Variants in PLA2G4F observed in about 807,000 individuals in gnomAD.
PLA2G4F encodes cytosolic phospholipase A2 zeta.
Under a neutral mutation model 103.1 loss-of-function variants are expected in PLA2G4F, and 105 were observed. That is an observed-to-expected ratio of 1.02 (90% confidence interval 0.87 to 1.20). The LOEUF is 1.20. Ranked by LOEUF, PLA2G4F falls within the 50% of genes most tolerant of loss-of-function variation. PLA2G4F has a pLI of 0.00. For missense variants in PLA2G4F, 1,155 were observed against 1,075.9 expected, an observed-to-expected ratio of 1.07 and a Z score of -1.03; for synonymous variants, 468 against 441.1, an observed-to-expected ratio of 1.06 and a Z score of -0.76.
Position 42,145,888 on chromosome 15 carries a change from G to C in PLA2G4F, c.1550C>G (p.Thr517Arg). Residue 517 changes from threonine (T) to arginine (R), a missense_variant, in exon 15 of 20, where the codon ACG becomes AGG. By Grantham distance (71) the Thr-to-Arg change is moderately conservative. Transcript: ENST00000397272. ...GEDFAEWCEF[T>R]PYEVGFPKYG... is the part of the protein sequence containing the mutation. ...CTTGGGGAAGCCAACCTCATAGGGC[G>C]TGAACTCGCACCACTCTAGGGGCCC... 3 of 1,614,002 alleles carry C rather than the reference G, an allele frequency of 1.9e-6. No homozygotes were observed. The highest frequency in any genetic ancestry group is 2.5e-6 in the Non-Finnish European group (3 of 1,180,020).
chr15:42,140,137 T>A lies in PLA2G4F; in HGVS notation c.*1847A>T, dbSNP rs1194114133. ...CATGAAAGCATTGCATGCTTTTTTG[T>A]GGTTGGTGGGTGACGATCCATTTCT... On this transcript the variant is annotated 3_prime_UTR_variant, in exon 20 of 20. Coordinates refer to ENST00000397272, the MANE Select transcript of PLA2G4F (RefSeq NM_213600.4). 6.6e-6 allele frequency: 1 copy of A among 152,190 alleles called. No individual in the cohort carries two copies. Among genetic ancestry groups the A allele is most frequent in the Non-Finnish European group, 1.5e-5 (1 of 68,042 alleles). 9.4% of individuals were successfully genotyped at this position (152,190 alleles called of 1,614,324 possible).
intron 4 of PLA2G4F, 35 bp downstream of exon 4, chr15:42,154,057 C>T: frequency 6.2e-7 from 1 of 1,613,324 alleles, no homozygotes; most frequent in Non-Finnish European, 8.5e-7. Flanking sequence ...CTCCCCTCCT[C>T]CAGCTGGGCT....
rs1261870228 is a variant in PLA2G4F, at chr15:42,139,275, C to A, written c.*2709G>T. The A allele has an allele frequency of 6.5e-6, 1 of 154,168 alleles. No homozygotes were observed. Among genetic ancestry groups the A allele is most frequent in the African/African-American group, 2.4e-5 (1 of 41,514 alleles). 9.6% of individuals were successfully genotyped at this position (154,168 alleles called of 1,614,324 possible). The stretch of plus-strand genomic sequence containing the variant: ...TTTAAGATAAATTCCCCCACACTCC[C>A]TCGTACCTACTCCTTGCCCTCTGCC... On this transcript the variant is annotated 3_prime_UTR_variant, in exon 20 of 20. Transcript: ENST00000397272.
rs200366535 is a variant in PLA2G4F, at chr15:42,141,519, G to A, written c.*465C>T. The A allele has an allele frequency of 1.3e-5, 6 of 447,844 alleles. No homozygotes were observed. In the East Asian group the frequency reaches 3.5e-4, roughly 26 times the overall value. 27.7% of individuals were successfully genotyped at this position (447,844 alleles called of 1,614,324 possible). ...AGTGCATCCAGGAGCTCGAGGTGGG[G>A]TTGGGGCTTGGGCCGCTCTGCAGGA... On this transcript the variant is annotated 3_prime_UTR_variant, in exon 20 of 20. Coordinates refer to ENST00000397272, the MANE Select transcript of PLA2G4F (RefSeq NM_213600.4).
rs778287986 is a variant in PLA2G4F, at chr15:42,141,233, G to A, written c.*751C>T. 4.4e-6 allele frequency: 2 copies of A among 456,598 alleles called. No homozygotes were observed. Among genetic ancestry groups the A allele is most frequent in the African/African-American group, 2.0e-5 (1 of 50,054 alleles). 28.3% of individuals were successfully genotyped at this position (456,598 alleles called of 1,614,324 possible). A position where few individuals can be genotyped will look rare whatever the true frequency, so the allele number is the denominator to read the frequency against. The stretch of plus-strand genomic sequence containing the variant: ...AGGAATGGTGAGACTATATTTGCAT[G>A]ATGTGGCCACTACACACATCACCAG... On this transcript the variant is annotated 3_prime_UTR_variant, in exon 20 of 20. Coordinates refer to ENST00000397272, the MANE Select transcript of PLA2G4F (RefSeq NM_213600.4).
intron 6 of PLA2G4F, 73 bp downstream of exon 6, chr15:42,153,227 C>T: frequency 3.3e-6 from 5 of 1,504,530 alleles, no homozygotes; most frequent in Non-Finnish European, 3.6e-6. Context: ...GCAACTGGGC[C>T]TGATGGGCCC....
Position 42,149,582 on chromosome 15 carries a change from C to T in PLA2G4F, c.1059+131G>A, listed in dbSNP as rs1041704187. ...GTCCCATATGGGGTCCTAGCTCTGC[C>T]GATGGTGCCCACAGCTCAGGTGAAC... On this transcript the variant is annotated intron_variant, in intron 11 of 19. Coordinates refer to ENST00000397272, the MANE Select transcript of PLA2G4F (RefSeq NM_213600.4). 7.5e-6 allele frequency: 11 copies of T among 1,457,928 alleles called. No individual in the cohort carries two copies. In the Admixed American group the frequency reaches 1.0e-4, roughly 14 times the overall value. The allele number at this position is 1,457,928 out of a possible 1,614,324, so 90.3% of individuals were successfully genotyped here.
chr15:42,151,105 A>G, intron 7 of PLA2G4F: 4 of 985,176 alleles, frequency 4.1e-6, no homozygotes, highest in Non-Finnish European at 4.8e-6. Context: ...TATGTTTATC[A>G]TAAGAATGAG....
Position 42,140,183 on chromosome 15 carries a change from A to G in PLA2G4F, c.*1801T>C, listed in dbSNP as rs2048816333. 1 of 152,196 alleles carries G rather than the reference A, an allele frequency of 6.6e-6. No individual in the cohort carries two copies. Among genetic ancestry groups the G allele is most frequent in the Admixed American group, 6.5e-5 (1 of 15,280 alleles). The allele number at this position is 152,196 out of a possible 1,614,324, so 9.4% of individuals were successfully genotyped here. A position where few individuals can be genotyped will look rare whatever the true frequency, so the allele number is the denominator to read the frequency against. ...TTTCTTAGAATGTAGGTTCCCATTC[A>G]TTTATCAAATATTTACTGAGCACCT... On this transcript the variant is annotated 3_prime_UTR_variant, in exon 20 of 20. Transcript: ENST00000397272.
intron 6 of PLA2G4F, 34 bp downstream of exon 6, chr15:42,153,266 C>T: frequency 1.2e-6 from 2 of 1,609,366 alleles, no homozygotes; most frequent in Non-Finnish European, 1.7e-6. Flanking sequence ...GCCCCCCAGC[C>T]CAGAACAGCG....
intron 5 of PLA2G4F, 73 bp downstream of exon 5, chr15:42,153,547 G>A: frequency 6.3e-7 from 1 of 1,580,700 alleles, no homozygotes; most frequent in Admixed American, 1.7e-5. Context: ...GCAGGACATG[G>A]TGACTGGCAC....
rs896723364 is a variant in PLA2G4F at position 42,141,764 on chromosome 15, G to A, written c.*220C>T. 2.6e-5 allele frequency: 16 copies of A among 621,268 alleles called. No individual in the cohort carries two copies. Among genetic ancestry groups the A allele is most frequent in the African/African-American group, 3.7e-5 (2 of 54,534 alleles). The allele number at this position is 621,268 out of a possible 1,614,324, so 38.5% of individuals were successfully genotyped here. A position where few individuals can be genotyped will look rare whatever the true frequency, so the allele number is the denominator to read the frequency against. Reference sequence around the variant, plus strand: ...CTACATCCCCAAGAGTCCCTGGAGCGATCTACTGCCCATCTTCTCCAAAAA... The same window carrying A: ...CTACATCCCCAAGAGTCCCTGGAGCAATCTACTGCCCATCTTCTCCAAAAA... On this transcript the variant is annotated 3_prime_UTR_variant, in exon 20 of 20. Transcript: ENST00000397272.
Position 42,140,901 on chromosome 15 carries a change from C to G in PLA2G4F, c.*1083G>C, listed in dbSNP as rs1307471299. 1 of 256,650 alleles carries G rather than the reference C, an allele frequency of 3.9e-6. No individual in the cohort carries two copies. Among genetic ancestry groups the G allele is most frequent in the Non-Finnish European group, 7.8e-6 (1 of 127,708 alleles). The allele number at this position is 256,650 out of a possible 1,614,324, so 15.9% of individuals were successfully genotyped here. A position where few individuals can be genotyped will look rare whatever the true frequency, so the allele number is the denominator to read the frequency against. On this transcript the variant is annotated 3_prime_UTR_variant, in exon 20 of 20. Transcript: ENST00000397272. ...GAGGCCGTGGCCAGATGGAGAGGGCCTGGCCAGAACGGGATCTCCTCTTCA... is the reference window on the plus strand; with the variant it reads ...GAGGCCGTGGCCAGATGGAGAGGGCGTGGCCAGAACGGGATCTCCTCTTCA...
rs139722627 is a variant in PLA2G4F, at chr15:42,150,641, G to A, written c.738C>T (p.His246=). Residue 246 remains histidine (H), a synonymous_variant, in exon 8 of 20, where the codon CAC becomes CAT. Coordinates refer to ENST00000397272, the MANE Select transcript of PLA2G4F (RefSeq NM_213600.4). The part of the protein sequence containing the change: ...HVNPVLSSRL[H]VELMELLAAV... ...CTGCCAGCAGCTCCATCAGCTCCAC[G>A]TGTAGCCTGGAGCTCAGCACTGGGT... 6.3e-5 allele frequency: 101 copies of A among 1,613,256 alleles called. No homozygotes were observed. In the Admixed American group the frequency reaches 6.8e-4, roughly 11 times the overall value.
chr15:42,150,257 TAACTGACCTCTG>T (rs2048942006), intron 9 of PLA2G4F, 104 bp downstream of exon 9: 1 of 1,549,108 alleles, frequency 6.5e-7, no homozygotes, highest in African/African-American at 1.4e-5. Flanking sequence ...GTGGACATCA[TAACTGACCTCTG>T]GACTGACCTG....
rs1425036198 is a variant in PLA2G4F at position 42,149,797 on chromosome 15, C to A, written c.975G>T (p.Gln325His). 1 of 1,614,114 alleles carries A rather than the reference C, an allele frequency of 6.2e-7. No homozygotes were observed. Among genetic ancestry groups the A allele is most frequent in the East Asian group, 2.2e-5 (1 of 44,886 alleles). ...RLGFDLSDGE[Q>H]EFLDRRKQVV... ...CCTGCTTCCTCCTGTCCAGAAACTC[C>A]TGCTCCCCGTCAGAGAGGTCAAAGC... Residue 325 changes from glutamine (Q) to histidine (H), a missense_variant, in exon 11 of 20, where the codon CAG becomes CAT. Physicochemically the swap from Gln to His is conservative, Grantham distance 24 (BLOSUM62 0). Around this residue, in one of 3 missense-constraint regions of PLA2G4F, gnomAD observed 782 missense variants for 692.9 expected, o/e 1.13. Transcript: ENST00000397272.
In PLA2G4F at chr15:42,145,763, C is replaced by A. The variant is rs771371999; in HGVS notation, c.1672+3G>T. The A allele has an allele frequency of 6.2e-7, 1 of 1,614,102 alleles. No homozygotes were observed. Among genetic ancestry groups the A allele is most frequent in the Admixed American group, 1.7e-5 (1 of 60,032 alleles). ...TGTCCCCAGCCCTCCAGCCTCGACT[C>A]ACCTTGCAGGTAACAGATCCGGGGT... On this transcript the variant is annotated splice_donor_region_variant and intron_variant, in intron 15 of 19. Coordinates refer to ENST00000397272, the MANE Select transcript of PLA2G4F (RefSeq NM_213600.4).
chr15:42,142,103 C>T lies in PLA2G4F; in HGVS notation c.2431G>A (p.Asp811Asn), dbSNP rs866312311. 3 of 1,614,212 alleles carry T rather than the reference C, an allele frequency of 1.9e-6. No homozygotes were observed. The highest frequency in any genetic ancestry group is 2.2e-5 in the South Asian group (2 of 91,084). Residue 811 changes from aspartate to asparagine, a missense_variant, in exon 20 of 20, where the codon GAC (aspartate) becomes AAC (asparagine). Asp to Asn is a conservative substitution (Grantham distance 23, BLOSUM62 1). Transcript: ENST00000397272. ...CTGAGGGCCACCAGCCGATAAAAGT[C>T]CTGGGGCTCATAGGTGAAGTTCATC... is the stretch of plus-strand genomic sequence containing the variant. ...GMMNFTYEPQ[D>N]FYRLVALSRY...
intron 17 of PLA2G4F, 128 bp downstream of exon 17, chr15:42,144,322 C>A: frequency 7.1e-7 from 1 of 1,414,124 alleles, no homozygotes; most frequent in Non-Finnish European, 9.6e-7. Flanking sequence ...TAGAGTCGCT[C>A]CGCATCAGCC....
Sources: allele counts gnomAD v4.1 joint callset, GRCh38; gene constraint gnomAD v4.1.1; regional missense constraint gnomAD v4.1.1; transcripts MANE v1.5; gene names NCBI Gene and HGNC (gene_info 2026-07-23, HGNC 2026-07-21).